The following CLYBL variants were observed in gnomAD, a reference collection of about 807,000 sequenced individuals.
CLYBL encodes citramalyl-CoA lyase.
CLYBL carries 31 observed loss-of-function variants against 38.9 expected under a neutral mutation model. The ratio of observed to expected loss-of-function variants is 0.80; its 90% CI spans 0.60 to 1.08. The LOEUF is 1.08. CLYBL is among the 50% of genes least tolerant of loss of function. The pLI is 0.00. For missense variants in CLYBL, 434 were observed against 411.6 expected (o/e 1.05, Z -0.47); for synonymous variants, 171 against 158.6 (o/e 1.08, Z -0.59).
intron 1 of CLYBL, among the ~76,000 whole-genome samples, chr13:99,716,050 C>G (rs1482790091): frequency 6.6e-6 from 1 of 151,772 alleles, no homozygotes. Context: ...TGAATTTTAT[C>G]AAATGCTTTT....
At chr13:99,800,905 AAC>A (rs1458235536) in intron 2 of CLYBL, among the ~76,000 whole-genome samples, 5 of 132,792 alleles carry the variant, frequency 3.8e-5, no homozygotes, top group African/African-American at 8.1e-5. Context: ...AAAAAAAAAA[AAC>A]AAAAAAAAAA....
downstream of CLYBL, among the ~76,000 whole-genome samples, chr13:99,898,574 C>G (rs2052608416): frequency 6.6e-6 from 1 of 152,190 alleles, no homozygotes; most frequent in South Asian, 2.1e-4. Flanking sequence ...GAAGGGAGCT[C>G]CAGCTACTGC....
chr13:99,849,706 A>G lies in CLYBL; in HGVS notation c.250-9155A>G, dbSNP rs1269376503. On this transcript the variant is annotated intron_variant, in intron 2 of 8. Coordinates refer to ENST00000339105, the MANE Select transcript of CLYBL (RefSeq NM_206808.5). This position sits in a 1 kb window ranked among gnomAD's most constrained non-coding sequence, Gnocchi z 4.9. ...CAGAAATACCAAAGGCCTGGCACAT[A>G]TAGTTAAGGAAAATCCACCAGGAGG... 1.3e-5 allele frequency among the ~76,000 whole-genome samples: 2 copies of G among 152,202 alleles called. No homozygotes were observed. Among genetic ancestry groups the G allele is most frequent in the Non-Finnish European group, 2.9e-5 (2 of 68,050 alleles).
intron 2 of CLYBL, among the ~76,000 whole-genome samples, chr13:99,809,820 G>A (rs550858442): frequency 3.3e-5 from 5 of 152,304 alleles, no homozygotes; most frequent in South Asian, 2.1e-4. Context: ...TGGCCAACTC[G>A]GGAAGACATG....
chr13:99,831,841 A>G lies in CLYBL; in HGVS notation c.250-27020A>G, dbSNP rs768755245. On this transcript the variant is annotated intron_variant, in intron 2 of 8. Coordinates refer to ENST00000339105, the MANE Select transcript of CLYBL (RefSeq NM_206808.5). ...TGTTTCTGTACCAGATCCACACTCAATCAACCTGTCTGGTTTAGGGTATTT... is the reference window on the plus strand; with the variant it reads ...TGTTTCTGTACCAGATCCACACTCAGTCAACCTGTCTGGTTTAGGGTATTT... Among the ~76,000 whole-genome samples, 9 of 152,074 alleles carry G rather than the reference A, an allele frequency of 5.9e-5. 1 individual carries two copies. Among genetic ancestry groups the G allele is most frequent in the Non-Finnish European group, 8.8e-5 (6 of 68,022 alleles).
At chr13:99,681,843 C>G (rs1012329219) in intron 1 of CLYBL, among the ~76,000 whole-genome samples, 1 of 151,956 alleles carries the variant, frequency 6.6e-6, no homozygotes, top group Admixed American at 6.6e-5. Context: ...GTCTCGGCCC[C>G]CCACAGTGCC....
chr13:99,866,278 G>A lies in CLYBL; in HGVS notation c.673G>A (p.Ala225Thr), dbSNP rs1250144392. The A allele has an allele frequency of 1.4e-5, 22 of 1,613,766 alleles. No homozygotes were observed. The highest frequency in any genetic ancestry group is 1.0e-4 in the Admixed American group (6 of 59,968). Reference sequence around the variant, plus strand: ...TAAAGAAACCCTGGATATTCTCTACGCCCGGCAAAAGATTGTTGTCATAGC... The same window carrying A: ...TAAAGAAACCCTGGATATTCTCTACACCCGGCAAAAGATTGTTGTCATAGC... ...SSKETLDILYARQKIVVIAKA... is the reference protein window; with the variant it reads ...SSKETLDILYTRQKIVVIAKA... The change falls in exon 6 of 9, where the codon GCC (alanine) becomes ACC (threonine). Residue 225 changes from alanine to threonine, a missense_variant. Coordinates refer to ENST00000339105, the MANE Select transcript of CLYBL (RefSeq NM_206808.5).
At chr13:99,676,599 CT>C (rs112196090) in intron 1 of CLYBL, among the ~76,000 whole-genome samples, 98 of 134,796 alleles carry the variant, frequency 7.3e-4, no homozygotes, top group Admixed American at 8.3e-4. Context: ...CTTCTTCATT[CT>C]TTTTTTTTTT....
intron 2 of CLYBL, among the ~76,000 whole-genome samples, chr13:99,834,491 T>C (rs2050890460): frequency 6.6e-6 from 1 of 152,216 alleles, no homozygotes; most frequent in African/African-American, 2.4e-5. Flanking sequence ...CTGAAGTTTC[T>C]TTCCTTCAGG....
rs577626273 is a variant in CLYBL at position 99,830,788 on chromosome 13, C to A, written c.250-28073C>A. 7.9e-5 allele frequency among the ~76,000 whole-genome samples: 12 copies of A among 152,296 alleles called. No individual in the cohort carries two copies. The East Asian group carries it at 2.3e-3, about 29-fold the overall frequency. On this transcript the variant is annotated intron_variant, in intron 2 of 8. Coordinates refer to ENST00000339105, the MANE Select transcript of CLYBL (RefSeq NM_206808.5). The stretch of plus-strand genomic sequence containing the variant: ...TTAAAGAAGTGTTCATTCCATTGTT[C>A]ATGGAATATGCTTCCAGTCGTGGAT...
At chr13:99,706,550 G>C (rs1383407883) in intron 1 of CLYBL, among the ~76,000 whole-genome samples, 1 of 152,140 alleles carries the variant, frequency 6.6e-6, no homozygotes, top group Non-Finnish European at 1.5e-5. Context: ...TATCAATAGA[G>C]TATTACGGAA....
chr13:99,871,101 G>A, intron 7 of CLYBL, 39 bp downstream of exon 7: 1 of 1,608,194 alleles, frequency 6.2e-7, no homozygotes. Flanking sequence ...GAGCAGTATT[G>A]AAAATATTGT....
chr13:99,745,851 G>C (rs8000571), intron 1 of CLYBL, among the ~76,000 whole-genome samples: 143,039 of 151,674 alleles, frequency 0.94, 68,055 homozygotes, highest in East Asian at 1. Context: ...TCCCAAAAAT[G>C]TACAAATCAG....
rs920882920 is a variant in CLYBL at position 99,675,560 on chromosome 13, T to C, written c.62+68803T>C. 3.3e-5 allele frequency among the ~76,000 whole-genome samples: 5 copies of C among 152,190 alleles called. No individual in the cohort carries two copies. In the East Asian group the frequency reaches 9.6e-4, roughly 29 times the overall value. ...AAAACCCTCAGTCCTAGGCAACCAC[T>C]AGTCTACTTTCTGTCTTTCTATATT... is the stretch of plus-strand genomic sequence containing the variant. On this transcript the variant is annotated intron_variant, in intron 1 of 8. Transcript: ENST00000339105.
At chr13:99,850,508 A>G (rs2051306251) in intron 2 of CLYBL, among the ~76,000 whole-genome samples, 1 of 152,238 alleles carries the variant, frequency 6.6e-6, no homozygotes, top group Non-Finnish European at 1.5e-5. Context: ...ACCCTGTATC[A>G]ATAAAATAGA....
chr13:99,864,174 A>G (rs1320818117), intron 4 of CLYBL, among the ~76,000 whole-genome samples: 1 of 151,470 alleles, frequency 6.6e-6, no homozygotes, highest in East Asian at 1.9e-4. Flanking sequence ...GAAATTAATC[A>G]ACAGTGTCCC....
intron 2 of CLYBL, among the ~76,000 whole-genome samples, chr13:99,834,647 G>A (rs551364718): frequency 1.1e-4 from 17 of 152,198 alleles, no homozygotes; most frequent in Non-Finnish European, 2.1e-4. Flanking sequence ...CTGCCCACAG[G>A]CAGTGTGACT....
At chr13:99,627,245 G>C (rs926461844) in intron 1 of CLYBL, among the ~76,000 whole-genome samples, 16 of 151,390 alleles carry the variant, frequency 1.1e-4, no homozygotes, top group Admixed American at 1.1e-3. Flanking sequence ...TTCCTTTCTC[G>C]TCTTTATTTT....
At chr13:99,797,775 G>A (rs1012436580) in intron 2 of CLYBL, among the ~76,000 whole-genome samples, 2 of 152,166 alleles carry the variant, frequency 1.3e-5, no homozygotes, top group African/African-American at 4.8e-5. Context: ...GGGTTTTGAT[G>A]CAACTGGAAC....
Sources: allele counts gnomAD v4.1 joint callset (sites outside exome capture counted in the v4.1 genomes callset), GRCh38; gene constraint gnomAD v4.1.1; non-coding constraint Gnocchi (gnomAD v3.1); transcripts MANE v1.5; gene names NCBI Gene and HGNC (gene_info 2026-07-23, HGNC 2026-07-21).